Variants in DCDC1 observed in about 807,000 individuals in gnomAD.
DCDC1 encodes the protein doublecortin domain-containing protein 1.
Under a neutral mutation model 178.3 loss-of-function variants are expected in DCDC1, and 200 were observed. The observed-to-expected ratio is 1.12, with a 90% CI of 1.00 to 1.26. DCDC1 has a LOEUF of 1.26. DCDC1 is among the 50% of genes most tolerant of loss of function. The pLI is 0.00. For synonymous variants in DCDC1, 690 were observed against 604.8 expected, an observed-to-expected ratio of 1.14 and a Z score of -2.07; for missense variants, 1,983 against 1,749.2, an observed-to-expected ratio of 1.13 and a Z score of -2.38.
chr11:31,210,736 G>A (rs1328621519), intron 9 of DCDC1, among the ~76,000 whole-genome samples: 2 of 150,478 alleles, frequency 1.3e-5, no homozygotes, highest in African/African-American at 4.9e-5. Context: ...AGAAAGAAAG[G>A]AAAAGAAAAG....
At chr11:31,010,268 C>T (rs1239100102) in intron 20 of DCDC1, among the ~76,000 whole-genome samples, 4 of 152,202 alleles carry the variant, frequency 2.6e-5, no homozygotes, top group Non-Finnish European at 4.4e-5. Flanking sequence ...GCAATCAAGA[C>T]GTCAGCTGGG....
intron 20 of DCDC1, among the ~76,000 whole-genome samples, chr11:31,010,184 T>C (rs1952089256): frequency 6.6e-6 from 1 of 152,214 alleles, no homozygotes; most frequent in Non-Finnish European, 1.5e-5. Context: ...CAAGGTGACA[T>C]ATACAATTAA....
At chr11:31,125,248 A>G (rs890112888) in intron 11 of DCDC1, among the ~76,000 whole-genome samples, 1 of 152,180 alleles carries the variant, frequency 6.6e-6, no homozygotes, top group African/African-American at 2.4e-5. Flanking sequence ...GCCCGTCAGA[A>G]TGGTGATTAT....
intron 9 of DCDC1, among the ~76,000 whole-genome samples, chr11:31,166,094 A>C (rs567745759): frequency 2.6e-5 from 4 of 152,350 alleles, no homozygotes; most frequent in African/African-American, 7.2e-5. Context: ...ATTAGCTATC[A>C]GTATATAAGT....
chr11:31,272,985 G>T (rs541553014), intron 7 of DCDC1, among the ~76,000 whole-genome samples: 1 of 152,246 alleles, frequency 6.6e-6, no homozygotes, highest in South Asian at 2.1e-4. Context: ...CTCTACATTG[G>T]CCCCTTTCAG....
chr11:30,921,436 G>A (rs980647206), intron 24 of DCDC1, among the ~76,000 whole-genome samples: 25 of 152,034 alleles, frequency 1.6e-4, no homozygotes, highest in African/African-American at 6.0e-4. Flanking sequence ...AAGATCATGA[G>A]GAAATTAGAA....
chr11:31,344,151 G>A (rs1565638691), intron 1 of DCDC1, among the ~76,000 whole-genome samples: 2 of 152,052 alleles, frequency 1.3e-5, no homozygotes, highest in Non-Finnish European at 2.9e-5. Context: ...CCTGCACATT[G>A]ACAATTAAAT....
At position 31,155,461 on chromosome 11, in the gene DCDC1, A is replaced by G. The variant is rs968470966; in HGVS notation, c.1222-17677T>C. On this transcript the variant is annotated intron_variant, in intron 9 of 38. Coordinates refer to ENST00000684477, the MANE Select transcript of DCDC1 (RefSeq NM_001387274.1). ...CATTTCTCAAGACACAAACTTTGAAATCTCCACAGAAAAAATAATCTCCTT... is the reference window on the plus strand; with the variant it reads ...CATTTCTCAAGACACAAACTTTGAAGTCTCCACAGAAAAAATAATCTCCTT... Among the ~76,000 whole-genome samples the G allele has an allele frequency of 3.3e-5, 5 of 152,224 alleles. No individual in the cohort carries two copies. In the South Asian group the frequency reaches 1.0e-3, roughly 31 times the overall value.
At chr11:30,887,082 GA>G (rs557028182) in intron 36 of DCDC1, among the ~76,000 whole-genome samples, 24 of 150,810 alleles carry the variant, frequency 1.6e-4, no homozygotes, top group South Asian at 4.2e-4. Flanking sequence ...ATAAATTTAG[GA>G]AAAAAAAATT....
At position 31,076,853 on chromosome 11, in the gene DCDC1, G is replaced by T. The variant is rs371661903; in HGVS notation, c.2298+1012C>A. Among the ~76,000 whole-genome samples, 737 of 152,150 alleles carry T rather than the reference G, an allele frequency of 4.8e-3. 49 individuals carry two copies. The South Asian group carries it at 0.15, about 30-fold the overall frequency. On this transcript the variant is annotated intron_variant, in intron 18 of 38. Transcript: ENST00000684477. ...GCTCAAGGTGCTCTTCTGTGTCCTG[G>T]ATTCCCCAGGAGGAGGTAGATCACA...
chr11:31,268,672 C>A (rs1026313569), intron 7 of DCDC1, among the ~76,000 whole-genome samples: 9 of 152,174 alleles, frequency 5.9e-5, no homozygotes, highest in Non-Finnish European at 1.3e-4. Context: ...CAGAACAGTG[C>A]TGTGATGAAC....
At chr11:30,931,000 G>A (rs1946891598) in intron 22 of DCDC1, among the ~76,000 whole-genome samples, 1 of 152,088 alleles carries the variant, frequency 6.6e-6, no homozygotes, top group African/African-American at 2.4e-5. Flanking sequence ...TTTAATCAAT[G>A]TGAAAAAAGT....
intron 38 of DCDC1, among the ~76,000 whole-genome samples, chr11:30,873,364 T>TAGAGAGAGAG (rs3076153): frequency 6.9e-4 from 94 of 137,070 alleles, no homozygotes; most frequent in African/African-American, 2.5e-3. Flanking sequence ...TATATATATA[T>TAGAGAGAGAG]AGAGAGAGAG....
chr11:31,247,297 C>A (rs769043372), intron 8 of DCDC1, among the ~76,000 whole-genome samples: 2 of 151,590 alleles, frequency 1.3e-5, no homozygotes, highest in Non-Finnish European at 2.9e-5. Context: ...TTAAACTGAA[C>A]GAAGTAGCTG....
Position 30,911,393 on chromosome 11 carries a change from G to A in DCDC1, c.3681C>T (p.Asp1227=), listed in dbSNP as rs754463336. ...SRTFHLVSNP[D]LVLAVSMTKT... is the part of the protein sequence containing the mutation. ...TGGTCATAGACACTGCCAGCACAAG[G>A]TCAGGGTTACTCACAAGGTGAAAGG... Residue 1227 remains aspartate, a synonymous_variant, in exon 28 of 39, where the codon GAC becomes GAT. Transcript: ENST00000684477. The A allele has an allele frequency of 3.1e-6, 5 of 1,603,326 alleles. No individual in the cohort carries two copies. The highest frequency in any genetic ancestry group is 1.7e-4 in the Middle Eastern group (1 of 6,048).
chr11:31,157,181 C>T (rs1226815185), intron 9 of DCDC1, among the ~76,000 whole-genome samples: 1 of 150,712 alleles, frequency 6.6e-6, no homozygotes, highest in African/African-American at 2.4e-5. Flanking sequence ...GAGTTTGAGA[C>T]CAGACTGGGC....
At chr11:30,949,558 A>G (rs1948280551) in intron 21 of DCDC1, among the ~76,000 whole-genome samples, 1 of 152,204 alleles carries the variant, frequency 6.6e-6, no homozygotes, top group African/African-American at 2.4e-5. Flanking sequence ...ATGCACATGT[A>G]TGCTTATTGT....
At chr11:31,229,264 C>G (rs75839630) in intron 9 of DCDC1, among the ~76,000 whole-genome samples, 9,075 of 152,008 alleles carry the variant, frequency 0.06, 383 homozygotes, top group East Asian at 0.24. Flanking sequence ...CCAGCATTAC[C>G]CTAATACCAA....
intron 7 of DCDC1, among the ~76,000 whole-genome samples, chr11:31,277,622 T>C (rs115355580): frequency 0.01 from 1,594 of 152,238 alleles, 33 homozygotes; most frequent in African/African-American, 0.037. Context: ...TTAATGTGTG[T>C]ATAGTGGTAA....
Sources: gnomAD v4.1 joint callset for allele counts (sites outside exome capture counted in the v4.1 genomes callset) on GRCh38, gnomAD v4.1.1 for gene constraint, MANE v1.5 for transcripts, NCBI Gene and HGNC (gene_info 2026-07-23, HGNC 2026-07-21) for gene names.